LRMDA: variants seen among roughly 807,000 people sequenced by gnomAD.
LRMDA encodes leucine rich melanocyte differentiation associated, also known as leucine-rich melanocyte differentiation-associated protein.
Under a neutral mutation model 29.8 loss-of-function variants are expected in LRMDA, and 18 were observed. The observed-to-expected ratio is 0.60, with a 90% CI of 0.42 to 0.90. LRMDA has a LOEUF of 0.90. Ranked by LOEUF, LRMDA falls within the 40% of genes least tolerant of loss-of-function variation. The pLI, the probability that LRMDA is intolerant of heterozygous loss-of-function variation, is 0.00. For synonymous variants in LRMDA, 125 were observed against 109.4 expected (o/e 1.14, Z -0.89); for missense variants, 273 against 273.9 (o/e 1.00, Z 0.02).
chr10:76,267,268 T>C (rs542811894), intron 5 of LRMDA, among the ~76,000 whole-genome samples: 7 of 152,308 alleles, frequency 4.6e-5, no homozygotes, highest in African/African-American at 1.4e-4. Context: ...CCCATTCAAA[T>C]TATATAATTC....
At chr10:75,504,265 G>GT (rs1315243251) in intron 2 of LRMDA, among the ~76,000 whole-genome samples, 2 of 152,088 alleles carry the variant, frequency 1.3e-5, no homozygotes, top group East Asian at 3.9e-4. Flanking sequence ...AAGTGCTGGG[G>GT]TTATAGGCGT....
At chr10:75,731,821 A>G (rs1269455443) in intron 2 of LRMDA, among the ~76,000 whole-genome samples, 2 of 152,254 alleles carry the variant, frequency 1.3e-5, no homozygotes, top group African/African-American at 4.8e-5. Context: ...GTTTGTAGTC[A>G]TAATGTAACA....
chr10:75,795,535 A>T (rs1843638460), intron 2 of LRMDA, among the ~76,000 whole-genome samples: 1 of 152,220 alleles, frequency 6.6e-6, no homozygotes, highest in Non-Finnish European at 1.5e-5. Context: ...ATCAAAAATC[A>T]GTTGGCCATG....
chr10:76,074,646 G>T (rs887517038), intron 5 of LRMDA, among the ~76,000 whole-genome samples: 2 of 152,196 alleles, frequency 1.3e-5, no homozygotes, highest in African/African-American at 4.8e-5. Flanking sequence ...TCACTAAAAT[G>T]CCTGGAACCC....
intron 6 of LRMDA, among the ~76,000 whole-genome samples, chr10:76,479,418 G>A (rs1424076577): frequency 4.0e-5 from 6 of 151,862 alleles, no homozygotes; most frequent in Admixed American, 3.3e-4. Flanking sequence ...GCCCAGGCTT[G>A]GTTTAATTCT....
rs550698873 is a variant in LRMDA at position 76,282,798 on chromosome 10, A to C, written c.517-41603A>C. Among the ~76,000 whole-genome samples, 3 of 152,276 alleles carry C rather than the reference A, an allele frequency of 2.0e-5. No individual in the cohort carries two copies. The South Asian group carries it at 6.2e-4, about 32-fold the overall frequency. On this transcript the variant is annotated intron_variant, in intron 5 of 6. Transcript: ENST00000611255. ...GTTAGAAGGCCAAAGATTGAAGTCA[A>C]TGATGTTCTTCGTGTCTTTGTGCCA...
intron 5 of LRMDA, among the ~76,000 whole-genome samples, chr10:76,228,498 A>G (rs561911610): frequency 2.0e-5 from 3 of 152,202 alleles, no homozygotes; most frequent in Admixed American, 2.0e-4. Context: ...CGTTTTTCAG[A>G]CAGTTTGGGG....
At chr10:76,134,123 C>T (rs1417706219) in intron 5 of LRMDA, among the ~76,000 whole-genome samples, 1 of 152,220 alleles carries the variant, frequency 6.6e-6, no homozygotes, top group Non-Finnish European at 1.5e-5. Context: ...TGACCCTTTG[C>T]TTTAATCAAC....
chr10:75,645,621 A>G (rs1390497009), intron 2 of LRMDA, among the ~76,000 whole-genome samples: 2 of 152,088 alleles, frequency 1.3e-5, no homozygotes, highest in Non-Finnish European at 2.9e-5. Context: ...ATGCTGTGTA[A>G]CAGAGTCCTG....
chr10:76,082,114 T>A (rs1035640771), intron 5 of LRMDA, among the ~76,000 whole-genome samples: 1 of 152,048 alleles, frequency 6.6e-6, no homozygotes, highest in African/African-American at 2.4e-5. Context: ...GATCAAAAAT[T>A]GAAATTCTCG....
intron 5 of LRMDA, chr10:76,260,755 C>T (rs1010923010): frequency 1.3e-5 from 2 of 152,142 alleles, no homozygotes; most frequent in African/African-American, 4.8e-5. Flanking sequence ...AAGTTTTCAG[C>T]TATTACTTTA....
At chr10:76,462,810 G>A (rs2132309830) in intron 6 of LRMDA, among the ~76,000 whole-genome samples, 1 of 152,274 alleles carries the variant, frequency 6.6e-6, no homozygotes, top group South Asian at 2.1e-4. Context: ...GAACAGTGGG[G>A]GTTGTTGAGC....
chr10:76,547,022 G>C (rs1291999482), intron 6 of LRMDA, among the ~76,000 whole-genome samples: 3 of 152,078 alleles, frequency 2.0e-5, no homozygotes, highest in Non-Finnish European at 4.4e-5. Flanking sequence ...ACCCTGAGAG[G>C]GAAGACAATG....
chr10:75,667,220 A>C (rs1589151469), intron 2 of LRMDA, among the ~76,000 whole-genome samples: 1 of 149,202 alleles, frequency 6.7e-6, no homozygotes, highest in African/African-American at 2.5e-5. Context: ...TGATTTTATA[A>C]CCCCCCCCCC....
chr10:75,614,617 A>G (rs983774885), intron 2 of LRMDA, among the ~76,000 whole-genome samples: 1 of 152,086 alleles, frequency 6.6e-6, no homozygotes, highest in Non-Finnish European at 1.5e-5. Flanking sequence ...TCTTCCTAGA[A>G]GGGATGGTGG....
At chr10:75,585,862 A>G (rs559472606) in intron 2 of LRMDA, among the ~76,000 whole-genome samples, 7 of 152,302 alleles carry the variant, frequency 4.6e-5, no homozygotes, top group Non-Finnish European at 1.0e-4. Context: ...GGCAACCACT[A>G]TTCAACTCTT....
chr10:76,405,146 A>C (rs1589168644), intron 6 of LRMDA, among the ~76,000 whole-genome samples: 1 of 152,224 alleles, frequency 6.6e-6, no homozygotes, highest in African/African-American at 2.4e-5. Flanking sequence ...AATTTGTTAC[A>C]ACAGCAATAA....
At chr10:75,532,587 T>A (rs1045718060) in intron 2 of LRMDA, among the ~76,000 whole-genome samples, 1 of 152,168 alleles carries the variant, frequency 6.6e-6, no homozygotes, top group Non-Finnish European at 1.5e-5. Context: ...GTGGTGACAT[T>A]GGAAAATCTT....
At chr10:76,267,122 G>A (rs942935570) in intron 5 of LRMDA, among the ~76,000 whole-genome samples, 1 of 152,066 alleles carries the variant, frequency 6.6e-6, no homozygotes, top group African/African-American at 2.4e-5. Flanking sequence ...CATTCCCACA[G>A]TTGAGATGAA....
Sources: allele counts gnomAD v4.1 joint callset (sites outside exome capture counted in the v4.1 genomes callset), GRCh38; gene constraint gnomAD v4.1.1; transcripts MANE v1.5; gene names NCBI Gene and HGNC (gene_info 2026-07-23, HGNC 2026-07-21).